Variants in GPC5 observed in about 807,000 individuals in gnomAD.
GPC5 encodes the protein glypican-5.
GPC5 carries 47 observed loss-of-function variants against 53.9 expected under a neutral mutation model. The observed-to-expected ratio is 0.87, with a 90% CI of 0.69 to 1.11. The LOEUF (loss-of-function observed/expected upper bound fraction) is 1.11, where lower values mean the gene tolerates loss of function less well. GPC5 is among the 50% of genes most tolerant of loss of function. The pLI is 0.00. For missense variants in GPC5, 748 were observed against 713.1 expected, an observed-to-expected ratio of 1.05 and a Z score of -0.56; for synonymous variants, 286 against 263.3, an observed-to-expected ratio of 1.09 and a Z score of -0.84.
At position 92,369,517 on chromosome 13, in the gene GPC5, G is replaced by A. The variant is rs114795403; in HGVS notation, c.1561+224528G>A. On this transcript the variant is annotated intron_variant, in intron 7 of 7. Coordinates refer to ENST00000377067, the MANE Select transcript of GPC5 (RefSeq NM_004466.6). ...TGTTTTAGTTGTTGTTTTCTCTTTG[G>A]TATTAAATATAGTAAATTGAACAGT... 5.5e-3 allele frequency among the ~76,000 whole-genome samples: 838 copies of A among 152,250 alleles called. 8 individuals carry two copies. The highest frequency in any genetic ancestry group is 0.019 in the African/African-American group (801 of 41,544).
intron 7 of GPC5, among the ~76,000 whole-genome samples, chr13:92,805,735 T>C (rs1877073430): frequency 6.6e-6 from 1 of 151,952 alleles, no homozygotes. Flanking sequence ...ACTGTGCCCA[T>C]CCAGGATCTT....
intron 7 of GPC5, among the ~76,000 whole-genome samples, chr13:92,781,498 T>A (rs1270748307): frequency 1.3e-5 from 2 of 152,118 alleles, no homozygotes; most frequent in Non-Finnish European, 2.9e-5. Flanking sequence ...GATGTACAGG[T>A]TTGTTTAGTA....
chr13:92,256,179 A>G (rs2139134910), intron 7 of GPC5, among the ~76,000 whole-genome samples: 1 of 151,864 alleles, frequency 6.6e-6, no homozygotes, highest in South Asian at 2.1e-4. Flanking sequence ...GAGAGATATA[A>G]ATATATAACT....
intron 7 of GPC5, among the ~76,000 whole-genome samples, chr13:92,635,260 G>T: frequency 6.6e-6 from 1 of 151,990 alleles, no homozygotes; most frequent in East Asian, 1.9e-4. Context: ...GTTTATCTTG[G>T]TTCCCTCTCT....
chr13:91,443,505 C>T (rs749737416), intron 1 of GPC5, among the ~76,000 whole-genome samples: 10 of 152,170 alleles, frequency 6.6e-5, no homozygotes, highest in Non-Finnish European at 1.3e-4. Flanking sequence ...CCCAAGCAGA[C>T]TAACACAGCT....
intron 7 of GPC5, among the ~76,000 whole-genome samples, chr13:92,203,314 A>G (rs918260663): frequency 6.7e-6 from 1 of 149,882 alleles, no homozygotes; most frequent in Admixed American, 6.7e-5. Context: ...GACATAAAAA[A>G]TGATGAGTTC....
chr13:92,269,651 C>T (rs1404967292), intron 7 of GPC5, among the ~76,000 whole-genome samples: 1 of 152,096 alleles, frequency 6.6e-6, no homozygotes, highest in African/African-American at 2.4e-5. Context: ...CGTGATCTGC[C>T]CGCCTCAGCC....
chr13:92,855,282 T>C lies in GPC5; in HGVS notation c.1562-11000T>C, dbSNP rs569260368. On this transcript the variant is annotated intron_variant, in intron 7 of 7. Coordinates refer to ENST00000377067, the MANE Select transcript of GPC5 (RefSeq NM_004466.6). Reference sequence around the variant, plus strand: ...TCTTTTCCTCAGTGGATTAGGAATGTATACATCCTATATTAATTATTTAAG... The same window carrying C: ...TCTTTTCCTCAGTGGATTAGGAATGCATACATCCTATATTAATTATTTAAG... Among the ~76,000 whole-genome samples, 9 of 152,170 alleles carry C rather than the reference T, an allele frequency of 5.9e-5. No homozygotes were observed. The South Asian group carries it at 1.9e-3, about 32-fold the overall frequency.
intron 6 of GPC5, among the ~76,000 whole-genome samples, chr13:91,931,201 G>A (rs1357571814): frequency 6.6e-6 from 1 of 151,882 alleles, no homozygotes; most frequent in African/African-American, 2.4e-5. Context: ...CCACTTCTGA[G>A]GCATTCCTGC....
chr13:92,722,012 T>C (rs1033025266), intron 7 of GPC5, among the ~76,000 whole-genome samples: 1 of 152,036 alleles, frequency 6.6e-6, no homozygotes, highest in Non-Finnish European at 1.5e-5. Context: ...TATTGTCTTT[T>C]CTTTTCATTT....
rs372331833 is a variant in GPC5, at chr13:92,613,192, G to C, written c.1562-253090G>C. On this transcript the variant is annotated intron_variant, in intron 7 of 7. Transcript: ENST00000377067. ...AAATAATCAAACAGGGACTGTGTTC[G>C]CAATATATGAAGTATAGAAAAAATA... 5.0e-5 allele frequency among the ~76,000 whole-genome samples: 7 copies of C among 140,516 alleles called. No homozygotes were observed. The East Asian group carries it at 1.2e-3, about 25-fold the overall frequency. The allele number at this position is 140,516 out of a possible 152,430, so 92.2% of individuals were successfully genotyped here. A position where few individuals can be genotyped will look rare whatever the true frequency, so the allele number is the denominator to read the frequency against.
chr13:92,758,994 G>GTTTTTTTTTTTTTTTT (rs68182839), intron 7 of GPC5, among the ~76,000 whole-genome samples: 9 of 70,574 alleles, frequency 1.3e-4, no homozygotes, highest in South Asian at 6.6e-4. Context: ...TCCCATTGCG[G>GTTTTTTTTTTTTTTTT]TTTTTTTTTT....
chr13:91,684,930 A>G (rs1324528842), intron 2 of GPC5, among the ~76,000 whole-genome samples: 2 of 152,156 alleles, frequency 1.3e-5, no homozygotes, highest in Admixed American at 6.5e-5. Context: ...TTGCATAGTC[A>G]GCAACCTTCT....
chr13:91,751,200 C>A (rs182657791), intron 4 of GPC5, among the ~76,000 whole-genome samples: 1 of 152,156 alleles, frequency 6.6e-6, no homozygotes, highest in African/African-American at 2.4e-5. Context: ...AACCAAAACC[C>A]ATCTTAATAA....
rs532192389 is a variant in GPC5, at chr13:92,029,675, T to C, written c.1402-115155T>C. Among the ~76,000 whole-genome samples the C allele has an allele frequency of 9.2e-5, 14 of 152,358 alleles. No homozygotes were observed. In the East Asian group the frequency reaches 2.5e-3, roughly 27 times the overall value. On this transcript the variant is annotated intron_variant, in intron 6 of 7. Coordinates refer to ENST00000377067, the MANE Select transcript of GPC5 (RefSeq NM_004466.6). ...TGCGATTAATGTATAGGTTGACTCA[T>C]TGCTGTTTGATTTCTTGGTTTTTCT...
intron 2 of GPC5, among the ~76,000 whole-genome samples, chr13:91,686,430 T>G (rs1232672114): frequency 6.6e-6 from 1 of 152,020 alleles, no homozygotes; most frequent in Admixed American, 6.6e-5. Flanking sequence ...ATGACTGATT[T>G]CTGCATAACA....
At chr13:91,433,728 G>A (rs1037630772) in intron 1 of GPC5, among the ~76,000 whole-genome samples, 1 of 152,118 alleles carries the variant, frequency 6.6e-6, no homozygotes, top group African/African-American at 2.4e-5. Context: ...TAATGGGATG[G>A]CTGGGTCAAA....
At chr13:92,355,694 C>G (rs919217253) in intron 7 of GPC5, among the ~76,000 whole-genome samples, 4 of 152,120 alleles carry the variant, frequency 2.6e-5, no homozygotes, top group Admixed American at 1.3e-4. Context: ...TATTTCTTGT[C>G]CCCCATTAAC....
At chr13:92,374,763 T>G (rs1037665602) in intron 7 of GPC5, among the ~76,000 whole-genome samples, 1 of 145,700 alleles carries the variant, frequency 6.9e-6, no homozygotes, top group Non-Finnish European at 1.5e-5. Context: ...AGATGACGAG[T>G]TAGTGGGTGC....
Sources: allele counts gnomAD v4.1 joint callset (sites outside exome capture counted in the v4.1 genomes callset), GRCh38; gene constraint gnomAD v4.1.1; transcripts MANE v1.5; gene names NCBI Gene and HGNC (gene_info 2026-07-23, HGNC 2026-07-21).